SLC16A8: variants seen among roughly 807,000 people sequenced by gnomAD.
SLC16A8 encodes monocarboxylate transporter 3.
A neutral mutation model predicts 22.4 loss-of-function variants in SLC16A8; 20 were observed. That is an observed-to-expected ratio of 0.89 (90% CI 0.63 to 1.30). SLC16A8 has a LOEUF of 1.30. Among genes scored for constraint, SLC16A8 ranks in the 50% most tolerant of loss-of-function variants. The probability of loss-of-function intolerance (pLI) is 0.00; values close to 1 mark genes in which losing one functional copy is unlikely to be tolerated. For synonymous variants in SLC16A8, 393 were observed against 358.8 expected (o/e 1.10, Z -1.08); for missense variants, 817 against 740.3 (o/e 1.10, Z -1.20).
At chr22:38,080,376 C>G (rs2085897531) in intron 5 of SLC16A8, among the ~76,000 whole-genome samples, 1 of 152,162 alleles carries the variant, frequency 6.6e-6, no homozygotes, top group South Asian at 2.1e-4. Flanking sequence ...CTGAGCACCC[C>G]CACTCTGTTT....
rs2085877597 is a variant in SLC16A8 at position 38,078,549 on chromosome 22, T to C, written c.1354A>G (p.Ser452Gly). 1.2e-6 allele frequency: 2 copies of C among 1,614,172 alleles called. No individual in the cohort carries two copies. Among genetic ancestry groups the C allele is most frequent in the Non-Finnish European group, 1.7e-6 (2 of 1,180,038 alleles). The change falls in exon 6 of 6, where the codon AGT becomes GGT. Residue 452 changes from serine to glycine, a missense_variant. Ser to Gly is a moderately conservative substitution (Grantham distance 56). Transcript: ENST00000681075. Reference protein sequence around the residue: ...PSGPGTEGGASDTEDAEAEGD... With the variant: ...PSGPGTEGGAGDTEDAEAEGD... ...TCAGCCTCAGCGTCCTCAGTGTCACTGGCTCCGCCCTCAGTGCCTGGGCCT... is the reference window on the plus strand; with the variant it reads ...TCAGCCTCAGCGTCCTCAGTGTCACCGGCTCCGCCCTCAGTGCCTGGGCCT...
intron 5 of SLC16A8, 61 bp from the exon 6 acceptor site, chr22:38,078,765 C>A: frequency 6.8e-7 from 1 of 1,478,346 alleles, no homozygotes; most frequent in Non-Finnish European, 9.2e-7. Context: ...CCCTCACTCT[C>A]CTGCACTCTC....
intron 4 of SLC16A8, 72 bp downstream of exon 4, chr22:38,081,817 A>C: frequency 3.3e-6 from 5 of 1,508,598 alleles, no homozygotes; most frequent in Non-Finnish European, 4.4e-6. Context: ...CTCATAGGGA[A>C]ACCGAGGACA....
At position 38,082,781 on chromosome 22, in the gene SLC16A8, G is replaced by A. The variant is rs778446870; in HGVS notation, c.93C>T (p.Phe31=). ...TCACGGCTTTGGGGAAGCCGTAGGC[G>A]AAGCCGGTGACCACAAAGCAGGCGC... The part of the protein sequence containing the change: ...VLGACFVVTG[F]AYGFPKAVSV... Residue 31 remains phenylalanine (F), a synonymous_variant, in exon 3 of 6, where the codon TTC becomes TTT. Transcript: ENST00000681075. 2.5e-6 allele frequency: 4 copies of A among 1,596,096 alleles called. No homozygotes were observed. The highest frequency in any genetic ancestry group is 2.7e-5 in the African/African-American group (2 of 74,842).
chr22:38,081,843 A>C, intron 4 of SLC16A8, 46 bp downstream of exon 4: 1 of 1,552,754 alleles, frequency 6.4e-7, no homozygotes, highest in Non-Finnish European at 8.7e-7. Context: ...TGCAGCAAGA[A>C]CCCCCGACCC....
chr22:38,078,363 G>C lies in SLC16A8; in HGVS notation c.*25C>G. 6.4e-7 allele frequency: 1 copy of C among 1,567,640 alleles called. No individual in the cohort carries two copies. Among genetic ancestry groups the C allele is most frequent in the Non-Finnish European group, 8.6e-7 (1 of 1,159,044 alleles). On this transcript the variant is annotated 3_prime_UTR_variant, in exon 6 of 6. Transcript: ENST00000681075. The stretch of plus-strand genomic sequence containing the variant: ...AGAAGCTGTGTTCCCAAGTCACTGG[G>C]CCACCCCACCCAGAGCACCCTGAGT...
At position 38,081,122 on chromosome 22, in the gene SLC16A8, A is replaced by G. The variant is rs911505550; in HGVS notation, c.916T>C (p.Cys306Arg). 28 of 1,544,388 alleles carry G rather than the reference A, an allele frequency of 1.8e-5. No homozygotes were observed. Among genetic ancestry groups the G allele is most frequent in the Non-Finnish European group, 2.4e-5 (27 of 1,145,998 alleles). ...GFVDIVARPA[C>R]GALAGLARLR... ...CGCGCCAGGCCCGCCAGGGCGCCGCACGCCGGGCGCGCCACGATGTCCACG... is the reference window on the plus strand; with the variant it reads ...CGCGCCAGGCCCGCCAGGGCGCCGCGCGCCGGGCGCGCCACGATGTCCACG... The change falls in exon 5 of 6, where the codon TGC becomes CGC. Residue 306 changes from cysteine to arginine, a missense_variant. Coordinates refer to ENST00000681075, the MANE Select transcript of SLC16A8 (RefSeq NM_013356.3).
In SLC16A8 at chr22:38,081,914, G is replaced by C; in HGVS notation, c.333C>G (p.Leu111=). ...LASFATRLLE[L]YLTAGVLTGL... is the part of the protein sequence containing the mutation. The stretch of plus-strand genomic sequence containing the variant: ...CTGTGAGCACCCCAGCGGTCAGGTA[G>C]AGCTCCAGGAGGCGCGTGGCAAAGG... The change falls in exon 4 of 6, where the codon CTC becomes CTG. Residue 111 remains leucine (L), a synonymous_variant. Coordinates refer to ENST00000681075, the MANE Select transcript of SLC16A8 (RefSeq NM_013356.3). 1 of 1,587,594 alleles carries C rather than the reference G, an allele frequency of 6.3e-7. No homozygotes were observed. Among genetic ancestry groups the C allele is most frequent in the Non-Finnish European group, 8.6e-7 (1 of 1,167,540 alleles).
chr22:38,080,689 G>A (rs1601969345), intron 5 of SLC16A8, 151 bp downstream of exon 5: 1 of 1,127,876 alleles, frequency 8.9e-7, no homozygotes, highest in Non-Finnish European at 1.2e-6. Context: ...GGTCCGGCTT[G>A]GAGGAGGGAC....
Position 38,081,652 on chromosome 22 carries a change from G to T in SLC16A8, c.386C>A (p.Pro129Gln). 6.6e-7 allele frequency: 1 copy of T among 1,525,214 alleles called. No homozygotes were observed. The highest frequency in any genetic ancestry group is 8.8e-7 in the Non-Finnish European group (1 of 1,141,470). The allele number at this position is 1,525,214 out of a possible 1,614,324, so 94.5% of individuals were successfully genotyped here. Residue 129 changes from proline (P) to glutamine (Q), a missense_variant, in exon 5 of 6, where the codon CCG (proline) becomes CAG (glutamine). Transcript: ENST00000681075. Reference protein sequence around the residue: ...TGLGLALNFQPSLIMLGLYFE... With the variant: ...TGLGLALNFQQSLIMLGLYFE... ...GTACAGCCCCAGCATGATGAGCGACGGCTGGAAGTTGAGGGCCAGGCCCAG... is the reference window on the plus strand; with the variant it reads ...GTACAGCCCCAGCATGATGAGCGACTGCTGGAAGTTGAGGGCCAGGCCCAG...
At position 38,082,813 on chromosome 22, in the gene SLC16A8, C is replaced by T. The variant is rs750610578; in HGVS notation, c.61G>A (p.Val21Met). ...GTGACCACAAAGCAGGCGCCCAGCA[C>T]CACCCAGCCCCAGCCGCCGTCTGGG... Reference protein sequence around the residue: ...GPPDGGWGWVVLGACFVVTGF... With the variant: ...GPPDGGWGWVMLGACFVVTGF... Residue 21 changes from valine to methionine, a missense_variant, in exon 3 of 6, where the codon GTG becomes ATG. Coordinates refer to ENST00000681075, the MANE Select transcript of SLC16A8 (RefSeq NM_013356.3). 6.3e-7 allele frequency: 1 copy of T among 1,585,588 alleles called. No homozygotes were observed. The highest frequency in any genetic ancestry group is 1.8e-5 in the Admixed American group (1 of 55,556).
At position 38,078,706 on chromosome 22, in the gene SLC16A8, T is replaced by TGGGGAG. The variant is rs751613208; in HGVS notation, c.1199-8_1199-3dup. The stretch of plus-strand genomic sequence containing the variant: ...TCTTCAACACATCCACCAGGCGGCC[T>TGGGGAG]GGGGAGGAGGAGGAAGAGGAGGGAG... On this transcript the variant is annotated splice_polypyrimidine_tract_variant and splice_region_variant and intron_variant, in intron 5 of 5. Coordinates refer to ENST00000681075, the MANE Select transcript of SLC16A8 (RefSeq NM_013356.3). 1.2e-6 allele frequency: 2 copies of TGGGGAG among 1,601,664 alleles called. No individual in the cohort carries two copies. The highest frequency in any genetic ancestry group is 1.7e-6 in the Non-Finnish European group (2 of 1,169,890).
intron 3 of SLC16A8, 82 bp from the exon 4 acceptor site, chr22:38,082,114 C>T (rs2085927378): frequency 1.4e-6 from 2 of 1,445,116 alleles, no homozygotes; most frequent in Admixed American, 2.3e-5. Flanking sequence ...GGCTCAGGGA[C>T]ACAGAGAGGA....
At chr22:38,082,544 G>A in intron 3 of SLC16A8, 116 bp downstream of exon 3, 4 of 855,972 alleles carry the variant, frequency 4.7e-6, no homozygotes. Context: ...CCCACAGGCA[G>A]GAAGGGACTT....
In SLC16A8 at chr22:38,081,756, C is replaced by T. The variant is rs541109969; in HGVS notation, c.359-77G>A. On this transcript the variant is annotated intron_variant, in intron 4 of 5. Coordinates refer to ENST00000681075, the MANE Select transcript of SLC16A8 (RefSeq NM_013356.3). The stretch of plus-strand genomic sequence containing the variant: ...CCCCACAGGAGGGAGGGGCCAGGCC[C>T]GGGAACCCAGCAGATCCGGGAACCC... 9.1e-4 allele frequency: 1,333 copies of T among 1,458,060 alleles called. 24 individuals carry two copies. The South Asian group carries it at 0.018, about 19-fold the overall frequency. 90.3% of individuals were successfully genotyped at this position (1,458,060 alleles called of 1,614,324 possible).
At chr22:38,082,566 C>T in intron 3 of SLC16A8, 94 bp downstream of exon 3, 2 of 1,121,954 alleles carry the variant, frequency 1.8e-6, no homozygotes, top group South Asian at 1.6e-5. Context: ...GGGGGCCACC[C>T]CGAGGGTCAG....
At chr22:38,081,840 A>G (rs765108808) in intron 4 of SLC16A8, 49 bp downstream of exon 4, 4 of 1,550,456 alleles carry the variant, frequency 2.6e-6, no homozygotes, top group Non-Finnish European at 3.5e-6. Context: ...TCTTGCAGCA[A>G]GAACCCCCGA....
At position 38,081,147 on chromosome 22, in the gene SLC16A8, G is replaced by C; in HGVS notation, c.891C>G (p.Phe297Leu). ...DAAFLLSIVG[F>L]VDIVARPACG... is the part of the protein sequence containing the mutation. ...ACGCCGGGCGCGCCACGATGTCCAC[G>C]AAGCCCACGATGGACAGCAGGAAGG... The change falls in exon 5 of 6, where the codon TTC (phenylalanine) becomes TTG (leucine). Residue 297 changes from phenylalanine (F) to leucine (L), a missense_variant. Phe to Leu is a conservative substitution (Grantham distance 22). Coordinates refer to ENST00000681075, the MANE Select transcript of SLC16A8 (RefSeq NM_013356.3). The C allele has an allele frequency of 6.5e-7, 1 of 1,547,742 alleles. No homozygotes were observed. The highest frequency in any genetic ancestry group is 8.7e-7 in the Non-Finnish European group (1 of 1,145,854).
chr22:38,083,952 G>A (rs1378858626), intron 1 of SLC16A8, 36 bp downstream of exon 1: 3 of 152,260 alleles, frequency 2.0e-5, no homozygotes, highest in Non-Finnish European at 2.9e-5. Flanking sequence ...GTGGAGACAG[G>A]AGGGTGATCC....
Sources: allele counts gnomAD v4.1 joint callset (sites outside exome capture counted in the v4.1 genomes callset), GRCh38; gene constraint gnomAD v4.1.1; transcripts MANE v1.5; gene names NCBI Gene and HGNC (gene_info 2026-07-23, HGNC 2026-07-21).